Variants in SFMBT2 observed in about 807,000 individuals in gnomAD.
The protein encoded by SFMBT2 is Scm like with four mbt domains 2.
Under a neutral mutation model 110.1 loss-of-function variants are expected in SFMBT2, and 38 were observed. That is an observed-to-expected ratio of 0.35 (90% CI 0.27 to 0.45). The LOEUF (loss-of-function observed/expected upper bound fraction) is 0.45, where lower values mean the gene tolerates loss of function less well. Among genes scored for constraint, SFMBT2 ranks in the 20% least tolerant of loss-of-function variants. The pLI is 1.00. For missense variants in SFMBT2, 1,011 were observed against 1,094.9 expected, an observed-to-expected ratio of 0.92 and a Z score of 1.08; for synonymous variants, 425 against 425.4, an observed-to-expected ratio of 1.00 and a Z score of 0.01.
intron 4 of SFMBT2, among the ~76,000 whole-genome samples, chr10:7,312,532 A>G (rs1842887920): frequency 6.6e-6 from 1 of 152,202 alleles, no homozygotes. Context: ...TTTGCCTTAG[A>G]ACCCACATCC....
At chr10:7,252,411 G>A (rs1384657547) in intron 7 of SFMBT2, among the ~76,000 whole-genome samples, 1 of 152,160 alleles carries the variant, frequency 6.6e-6, no homozygotes. Context: ...TGACTTCAGC[G>A]TCCTCTGCAT....
chr10:7,377,432 A>G (rs183530883), intron 2 of SFMBT2, among the ~76,000 whole-genome samples: 2 of 152,268 alleles, frequency 1.3e-5, no homozygotes, highest in East Asian at 3.9e-4. Flanking sequence ...ATTCAAGCAC[A>G]TTACATTTAT....
chr10:7,189,600 C>T (rs1041599523), intron 15 of SFMBT2, among the ~76,000 whole-genome samples: 2 of 152,152 alleles, frequency 1.3e-5, no homozygotes, highest in Non-Finnish European at 2.9e-5. Flanking sequence ...CCTTACAGAA[C>T]GTGAGAGTGC....
At chr10:7,197,261 T>C (rs1421897413) in intron 15 of SFMBT2, among the ~76,000 whole-genome samples, 2 of 152,118 alleles carry the variant, frequency 1.3e-5, no homozygotes, top group Non-Finnish European at 2.9e-5. Flanking sequence ...CAATCTTCCC[T>C]CTGTCTTCCC....
chr10:7,193,108 A>G (rs2131585667), intron 15 of SFMBT2, among the ~76,000 whole-genome samples: 1 of 152,332 alleles, frequency 6.6e-6, no homozygotes, highest in South Asian at 2.1e-4. Flanking sequence ...ACCTTTCTAT[A>G]GAAGGTTACA....
intron 4 of SFMBT2, among the ~76,000 whole-genome samples, chr10:7,318,550 T>G (rs1374867360): frequency 2.0e-5 from 3 of 152,206 alleles, no homozygotes; most frequent in African/African-American, 7.2e-5. Flanking sequence ...GAAATAACAT[T>G]TACCTTTCAT....
At chr10:7,180,386 G>A (rs769919429) in intron 16 of SFMBT2, among the ~76,000 whole-genome samples, 3 of 150,594 alleles carry the variant, frequency 2.0e-5, no homozygotes, top group African/African-American at 7.3e-5. Context: ...TGATCTGCCC[G>A]CCTTGGCCTC....
At chr10:7,403,810 T>C (rs1846144640) in intron 1 of SFMBT2, among the ~76,000 whole-genome samples, 1 of 152,224 alleles carries the variant, frequency 6.6e-6, no homozygotes, top group Non-Finnish European at 1.5e-5. Flanking sequence ...AGCTCTCTAA[T>C]GCCTGTTTCC....
chr10:7,182,054 CTTTTT>C (rs896534200), intron 16 of SFMBT2, among the ~76,000 whole-genome samples: 1 of 151,166 alleles, frequency 6.6e-6, no homozygotes, highest in Non-Finnish European at 1.5e-5. Context: ...TCTTTCTTTC[CTTTTT>C]TTTTGAGACA....
rs548870943 is a variant in SFMBT2, at chr10:7,306,374, T to A, written c.437-20420A>T. Reference sequence around the variant, plus strand: ...ATGACATATGAAAATTATATGAAATTCAAATTTTTGTGTCCGTAAATAAAG... The same window carrying A: ...ATGACATATGAAAATTATATGAAATACAAATTTTTGTGTCCGTAAATAAAG... On this transcript the variant is annotated intron_variant, in intron 4 of 20. Coordinates refer to ENST00000397167, the MANE Select transcript of SFMBT2 (RefSeq NM_001387889.1). Among the ~76,000 whole-genome samples the A allele has an allele frequency of 2.8e-4, 42 of 152,350 alleles. 1 individual carries two copies. Among genetic ancestry groups the A allele is most frequent in the Admixed American group, 2.5e-3 (39 of 15,302 alleles).
Position 7,172,498 on chromosome 10 carries a change from C to T in SFMBT2, c.2148G>A (p.Gly716=), listed in dbSNP as rs145911780. The change falls in exon 18 of 21, where the codon GGG becomes GGA. Residue 716 remains glycine, a synonymous_variant. Coordinates refer to ENST00000397167, the MANE Select transcript of SFMBT2 (RefSeq NM_001387889.1). The surrounding 1 kb of genome is among the most constrained non-coding windows in gnomAD (Gnocchi z 4.6). ...SSAVDFTAGS[G]EESEEEDADA... Reference sequence around the variant, plus strand: ...AGGTGCCCCGGGCAGAACATACCTCCCCCGAGCCCGCGGTGAAGTCCACGG... The same window carrying T: ...AGGTGCCCCGGGCAGAACATACCTCTCCCGAGCCCGCGGTGAAGTCCACGG... The T allele has an allele frequency of 1.9e-6, 3 of 1,613,764 alleles. No individual in the cohort carries two copies. The highest frequency in any genetic ancestry group is 2.7e-5 in the African/African-American group (2 of 74,954).
At chr10:7,398,921 C>T (rs1168724301) in intron 1 of SFMBT2, among the ~76,000 whole-genome samples, 1 of 152,216 alleles carries the variant, frequency 6.6e-6, no homozygotes, top group South Asian at 2.1e-4. Context: ...CTTCTGTAAG[C>T]CAGACATGCA....
At chr10:7,393,434 C>G (rs1004998430) in intron 1 of SFMBT2, among the ~76,000 whole-genome samples, 10 of 152,072 alleles carry the variant, frequency 6.6e-5, no homozygotes, top group Non-Finnish European at 1.5e-4. Context: ...GTTCACATAC[C>G]CCTCTAGTTA....
intron 16 of SFMBT2, among the ~76,000 whole-genome samples, chr10:7,180,111 T>C (rs1166035061): frequency 1.4e-5 from 2 of 142,994 alleles, no homozygotes; most frequent in Non-Finnish European, 3.0e-5. Context: ...GTGGCCCTTT[T>C]ATTTAGGTTT....
At chr10:7,182,271 C>T (rs1054176169) in intron 16 of SFMBT2, among the ~76,000 whole-genome samples, 1 of 152,216 alleles carries the variant, frequency 6.6e-6, no homozygotes. Context: ...CTTCTGACCT[C>T]AGGTGATCCT....
rs1840021196 is a variant in SFMBT2 at position 7,228,776 on chromosome 10, C to G, written c.1121-839G>C. Among the ~76,000 whole-genome samples, 2 of 133,726 alleles carry G rather than the reference C, an allele frequency of 1.5e-5. 1 individual carries two copies. Among genetic ancestry groups the G allele is most frequent in the South Asian group, 5.9e-4 (2 of 3,378 alleles). The allele number at this position is 133,726 out of a possible 152,430, so 87.7% of individuals were successfully genotyped here. On this transcript the variant is annotated intron_variant, in intron 9 of 20. Transcript: ENST00000397167. ...TCTCTCTCTCTCTCTCTCTCTCTCT[C>G]TCTCTCCCCCTCCCTCTCTCTCTCT...
At chr10:7,387,585 G>A (rs1164284744) in intron 1 of SFMBT2, among the ~76,000 whole-genome samples, 1 of 151,986 alleles carries the variant, frequency 6.6e-6, no homozygotes, top group Non-Finnish European at 1.5e-5. Context: ...AAGCGGAACA[G>A]AAAATTAGGA....
intron 4 of SFMBT2, among the ~76,000 whole-genome samples, chr10:7,346,421 A>C (rs1054318148): frequency 2.6e-5 from 4 of 152,164 alleles, no homozygotes; most frequent in African/African-American, 9.7e-5. Context: ...TTTTAAAACA[A>C]ACCTTTTAGA....
At position 7,172,709 on chromosome 10, in the gene SFMBT2, G is replaced by C; in HGVS notation, c.1985-48C>G. The stretch of plus-strand genomic sequence containing the variant: ...CTTTTGAAGGCTATACACACACACA[G>C]ACATGAACAGAGAGAGGAGAGAGAA... On this transcript the variant is annotated intron_variant, in intron 17 of 20. Coordinates refer to ENST00000397167, the MANE Select transcript of SFMBT2 (RefSeq NM_001387889.1). This position sits in a 1 kb window ranked among gnomAD's most constrained non-coding sequence, Gnocchi z 4.6. 1 of 1,538,870 alleles carries C rather than the reference G, an allele frequency of 6.5e-7. No individual in the cohort carries two copies. Among genetic ancestry groups the C allele is most frequent in the Non-Finnish European group, 8.8e-7 (1 of 1,133,566 alleles).
Sources: allele counts gnomAD v4.1 joint callset (sites outside exome capture counted in the v4.1 genomes callset), GRCh38; gene constraint gnomAD v4.1.1; non-coding constraint Gnocchi (gnomAD v3.1); transcripts MANE v1.5; gene names NCBI Gene and HGNC (gene_info 2026-07-23, HGNC 2026-07-21).